The following CUX1 variants were observed in gnomAD, a reference collection of about 807,000 sequenced individuals.
CUX1 encodes protein CASP.
A neutral mutation model predicts 158.8 loss-of-function variants in CUX1; 31 were observed. That is an observed-to-expected ratio of 0.20 (90% confidence interval 0.15 to 0.26). CUX1 has a LOEUF of 0.26. CUX1 is among the 10% of genes least tolerant of loss of function. CUX1 has a pLI of 1.00. For missense variants in CUX1, 1,589 were observed against 2,014.6 expected (o/e 0.79, Z 4.04); for synonymous variants, 879 against 862.1 (o/e 1.02, Z -0.34).
intron 2 of CUX1, among the ~76,000 whole-genome samples, chr7:101,970,949 A>G (rs1308004578): frequency 2.0e-5 from 3 of 152,186 alleles, no homozygotes; most frequent in African/African-American, 7.2e-5. Context: ...TTTGGGTGGG[A>G]TCTCTGCCAG....
intron 3 of CUX1, among the ~76,000 whole-genome samples, chr7:102,056,977 C>G (rs965881195): frequency 6.6e-6 from 1 of 151,602 alleles, no homozygotes; most frequent in African/African-American, 2.4e-5. Flanking sequence ...TCTCGGCTCA[C>G]TGCAACCTCT....
At chr7:102,128,447 C>G (rs894577725) in intron 8 of CUX1, among the ~76,000 whole-genome samples, 3 of 151,118 alleles carry the variant, frequency 2.0e-5, no homozygotes, top group Non-Finnish European at 4.4e-5. Context: ...CAGCCTCTTG[C>G]ACTTTCTTGC....
In CUX1 at chr7:101,916,165, T is replaced by C; in HGVS notation, c.81T>C (p.Ser27=). 1 of 1,613,926 alleles carries C rather than the reference T, an allele frequency of 6.2e-7. No homozygotes were observed. The highest frequency in any genetic ancestry group is 8.5e-7 in the Non-Finnish European group (1 of 1,179,922). ...TATTGGCGAACCGGCAGGATGAAAG[T>C]GAGCAGTCCAGAAAGCGGCTTATCG... The part of the protein sequence containing the change: ...ATVLANRQDE[S]EQSRKRLIEQ... Residue 27 remains serine (S), a synonymous_variant, in exon 2 of 24, where the codon AGT becomes AGC. Transcript: ENST00000292535. The surrounding 1 kb of genome is among the most constrained non-coding windows in gnomAD (Gnocchi z 4.4).
intron 1 of CUX1, among the ~76,000 whole-genome samples, chr7:101,914,733 G>A (rs575288548): frequency 3.3e-5 from 5 of 151,870 alleles, no homozygotes; most frequent in Admixed American, 6.6e-5. Flanking sequence ...TCCTGACCTC[G>A]GGTGATCCAC....
intron 4 of CUX1, among the ~76,000 whole-genome samples, chr7:102,084,298 T>A (rs562715558): frequency 1.3e-5 from 2 of 148,638 alleles, no homozygotes; most frequent in African/African-American, 4.9e-5. Flanking sequence ...AAATATATAT[T>A]TTATATTATG....
chr7:101,903,832 C>CA (rs553857927), intron 1 of CUX1, among the ~76,000 whole-genome samples: 1 of 151,822 alleles, frequency 6.6e-6, no homozygotes, highest in Non-Finnish European at 1.5e-5. Context: ...GGGTGAAAAA[C>CA]AAAAAAACAA....
chr7:102,093,043 T>G (rs1828781880), intron 4 of CUX1, among the ~76,000 whole-genome samples: 1 of 151,978 alleles, frequency 6.6e-6, no homozygotes, highest in East Asian at 1.9e-4. Context: ...GGCTTATCTC[T>G]GCTATGAGGC....
chr7:102,153,937 A>C (rs1475284617), intron 8 of CUX1: 1 of 152,296 alleles, frequency 6.6e-6, no homozygotes, highest in African/African-American at 2.4e-5. Context: ...CGAAACCAAC[A>C]GGTAATTTTC....
intron 4 of CUX1, among the ~76,000 whole-genome samples, chr7:102,078,783 C>G (rs1467949548): frequency 6.6e-6 from 1 of 152,132 alleles, no homozygotes; most frequent in African/African-American, 2.4e-5. Flanking sequence ...AGAGAGCTGG[C>G]TGGAAAGAGT....
chr7:102,176,194 T>A (rs782338145), intron 10 of CUX1, among the ~76,000 whole-genome samples: 4 of 152,278 alleles, frequency 2.6e-5, no homozygotes, highest in Non-Finnish European at 5.9e-5. Flanking sequence ...GGTAAAGGCC[T>A]CATTTTCCCC....
intron 4 of CUX1, among the ~76,000 whole-genome samples, chr7:102,096,505 G>T (rs1585651041): frequency 1.3e-5 from 2 of 152,244 alleles, no homozygotes; most frequent in African/African-American, 4.8e-5. Context: ...TCCAGTTTGA[G>T]ACTGGCCTAG....
chr7:102,080,570 T>G (rs1554478309), intron 4 of CUX1, among the ~76,000 whole-genome samples: 2 of 152,140 alleles, frequency 1.3e-5, no homozygotes, highest in African/African-American at 4.8e-5. Flanking sequence ...GAGCGCACTG[T>G]GCAAACATGA....
chr7:102,065,646 A>G (rs1307583044), intron 3 of CUX1, among the ~76,000 whole-genome samples: 1 of 152,182 alleles, frequency 6.6e-6, no homozygotes, highest in Non-Finnish European at 1.5e-5. Flanking sequence ...CTGGGCTGGA[A>G]TTTCCCTGTG....
chr7:102,117,340 A>G (rs1222231609), intron 8 of CUX1, among the ~76,000 whole-genome samples: 3 of 136,828 alleles, frequency 2.2e-5, no homozygotes, highest in South Asian at 2.5e-4. Context: ...AGAGATTGCA[A>G]TGAGCCGAGA....
chr7:102,141,171 G>T (rs1834411064), intron 8 of CUX1, among the ~76,000 whole-genome samples: 2 of 151,878 alleles, frequency 1.3e-5, no homozygotes, highest in South Asian at 4.2e-4. Flanking sequence ...TTTTCAAGTT[G>T]CCCTAAAAAA....
At chr7:102,155,968 C>T (rs1284103509) in intron 8 of CUX1, among the ~76,000 whole-genome samples, 1 of 152,136 alleles carries the variant, frequency 6.6e-6, no homozygotes, top group Non-Finnish European at 1.5e-5. Flanking sequence ...TTAACTAGGC[C>T]ATTTGACAGG....
At chr7:101,883,681 C>T (rs1453531867) in intron 1 of CUX1, among the ~76,000 whole-genome samples, 5 of 151,030 alleles carry the variant, frequency 3.3e-5, no homozygotes, top group African/African-American at 9.7e-5. Flanking sequence ...GCATGATCTC[C>T]CCCTCCCAGG....
Position 101,855,910 on chromosome 7 carries a change from G to A in CUX1, c.30+38241G>A, listed in dbSNP as rs1796749623. On this transcript the variant is annotated intron_variant, in intron 1 of 23. Transcript: ENST00000292535. ...AAAAAAAAAATGCAGCTTAAGTGCT[G>A]GTTTAGCGCCTGTAATCCCAGCACG... 2.8e-5 allele frequency among the ~76,000 whole-genome samples: 4 copies of A among 145,112 alleles called. No individual in the cohort carries two copies. The South Asian group carries it at 6.6e-4, about 24-fold the overall frequency.
intron 3 of CUX1, among the ~76,000 whole-genome samples, chr7:102,045,987 G>GTA: frequency 6.6e-6 from 1 of 152,338 alleles, no homozygotes; most frequent in South Asian, 2.1e-4. Flanking sequence ...TGCCTGGGAT[G>GTA]TAGTAGGTGC....
Sources: gnomAD v4.1 joint callset for allele counts (sites outside exome capture counted in the v4.1 genomes callset) on GRCh38, gnomAD v4.1.1 for gene constraint, Gnocchi (gnomAD v3.1) non-coding constraint, MANE v1.5 for transcripts, NCBI Gene and HGNC (gene_info 2026-07-23, HGNC 2026-07-21) for gene names.